The following HPS3 variants were observed in gnomAD, a reference collection of about 807,000 sequenced individuals.
HPS3 encodes HPS3 biogenesis of lysosomal organelles complex 2 subunit 1, also known as BLOC-2 complex member HPS3.
HPS3 carries 79 observed loss-of-function variants against 110.9 expected under a neutral mutation model. That is an observed-to-expected ratio of 0.71 (90% CI 0.59 to 0.86). HPS3 has a LOEUF of 0.86. Ranked by LOEUF, HPS3 falls within the 40% of genes least tolerant of loss-of-function variation. HPS3 has a pLI of 0.00. For synonymous variants in HPS3, 428 were observed against 451.0 expected (o/e 0.95, Z 0.65); for missense variants, 1,197 against 1,206.2 (o/e 0.99, Z 0.11).
At chr3:149,148,314 C>G (rs1303404983) in intron 5 of HPS3, among the ~76,000 whole-genome samples, 1 of 151,158 alleles carries the variant, frequency 6.6e-6, no homozygotes, top group Non-Finnish European at 1.5e-5. Flanking sequence ...AAAATAAAAT[C>G]ATGTAAAATG....
chr3:149,132,976 G>A (rs764776059), intron 1 of HPS3, among the ~76,000 whole-genome samples: 2 of 152,164 alleles, frequency 1.3e-5, no homozygotes, highest in Non-Finnish European at 2.9e-5. Flanking sequence ...AAGATGTGTT[G>A]GAATTCCTGC....
At chr3:149,159,625 A>G (rs1723666847) in intron 10 of HPS3, among the ~76,000 whole-genome samples, 1 of 152,230 alleles carries the variant, frequency 6.6e-6, no homozygotes, top group Non-Finnish European at 1.5e-5. Context: ...CAAATATGCC[A>G]CATTAGAAAT....
chr3:149,132,363 A>G (rs556097129), intron 1 of HPS3, among the ~76,000 whole-genome samples: 59 of 152,320 alleles, frequency 3.9e-4, no homozygotes, highest in Non-Finnish European at 7.2e-4. Context: ...CTCATTTACC[A>G]TTCTGAAAAT....
intron 2 of HPS3, 69 bp from the exon 3 acceptor site, chr3:149,140,948 A>G: frequency 5.2e-6 from 7 of 1,350,738 alleles, no homozygotes; most frequent in South Asian, 1.2e-5. Context: ...CTATATGTCT[A>G]ATTGGTGAGA....
rs759560948 is a variant in HPS3, at chr3:149,141,006, A to AT, written c.713-4dup. 2 of 1,612,288 alleles carry AT rather than the reference A, an allele frequency of 1.2e-6. No homozygotes were observed. The highest frequency in any genetic ancestry group is 1.7e-6 in the Non-Finnish European group (2 of 1,178,468). On this transcript the variant is annotated splice_polypyrimidine_tract_variant and intron_variant, in intron 2 of 16. Coordinates refer to ENST00000296051, the MANE Select transcript of HPS3 (RefSeq NM_032383.5). Reference sequence around the variant, plus strand: ...CATTCAAGCAGGACTGTTACATTTTATTTTTTTAAGGCATCAGTAATGAAA... The same window carrying AT: ...CATTCAAGCAGGACTGTTACATTTTATTTTTTTTAAGGCATCAGTAATGAAA...
At chr3:149,133,693 C>A (rs1559904778) in intron 1 of HPS3, among the ~76,000 whole-genome samples, 1 of 152,184 alleles carries the variant, frequency 6.6e-6, no homozygotes, top group Non-Finnish European at 1.5e-5. Context: ...CGGGGCAAGA[C>A]CCTTCACCAG....
intron 13 of HPS3, 94 bp downstream of exon 13, chr3:149,162,972 T>A: frequency 9.4e-7 from 1 of 1,062,496 alleles, no homozygotes; most frequent in Non-Finnish European, 1.4e-6. Context: ...AAATCTAACC[T>A]AGTTTTCTAT....
chr3:149,171,188 G>C (rs1026406721), intron 16 of HPS3, among the ~76,000 whole-genome samples: 3 of 152,064 alleles, frequency 2.0e-5, no homozygotes, highest in African/African-American at 7.2e-5. Context: ...TGAGGCAGGA[G>C]AATCTCTTGG....
chr3:149,162,791 C>G lies in HPS3; in HGVS notation c.2394C>G (p.Leu798=). The change falls in exon 13 of 17, where the codon CTC becomes CTG. Residue 798 remains leucine (L), a synonymous_variant. Transcript: ENST00000296051. The stretch of plus-strand genomic sequence containing the variant: ...TCCCAGATGTGGTACTTCAGGAACT[C>G]TTTTTCAAACTCACATCACAGTACA... ...ACLPDVVLQE[L]FFKLTSQYIW... 1 of 1,613,998 alleles carries G rather than the reference C, an allele frequency of 6.2e-7. No individual in the cohort carries two copies. The highest frequency in any genetic ancestry group is 1.1e-5 in the South Asian group (1 of 91,080).
At chr3:149,133,463 G>A (rs1007770162) in intron 1 of HPS3, among the ~76,000 whole-genome samples, 4 of 151,812 alleles carry the variant, frequency 2.6e-5, no homozygotes, top group African/African-American at 7.3e-5. Context: ...CACTTGTGGC[G>A]AATTTTGTAT....
intron 5 of HPS3, 112 bp downstream of exon 5, chr3:149,145,658 T>A (rs966089946): frequency 8.3e-6 from 7 of 838,582 alleles, no homozygotes; most frequent in Admixed American, 1.7e-5. Context: ...TATAAATGCA[T>A]GAGTTACATG....
At chr3:149,169,542 G>T (rs771038012) in intron 16 of HPS3, among the ~76,000 whole-genome samples, 2 of 152,174 alleles carry the variant, frequency 1.3e-5, no homozygotes, top group Admixed American at 1.3e-4. Flanking sequence ...GTCCGTGTGC[G>T]TGGGGGTTTC....
intron 1 of HPS3, 123 bp downstream of exon 1, chr3:149,130,063 G>A (rs986920853): frequency 7.3e-6 from 7 of 962,476 alleles, no homozygotes; most frequent in Non-Finnish European, 9.4e-6. Flanking sequence ...GGAATTTGCC[G>A]GATGGTCTCC....
intron 6 of HPS3, among the ~76,000 whole-genome samples, chr3:149,151,219 A>G (rs1041278448): frequency 2.7e-5 from 4 of 148,562 alleles, no homozygotes; most frequent in African/African-American, 7.4e-5. Flanking sequence ...TTTTCTGCAG[A>G]GACAGGTTTT....
At chr3:149,133,882 G>A (rs562443108) in intron 1 of HPS3, among the ~76,000 whole-genome samples, 1 of 151,636 alleles carries the variant, frequency 6.6e-6, no homozygotes, top group Non-Finnish European at 1.5e-5. Context: ...TTTATGCACT[G>A]GGAAACCAAA....
chr3:149,173,455 G>A lies in HPS3; in HGVS notation c.*1233G>A, dbSNP rs192321084. The stretch of plus-strand genomic sequence containing the variant: ...TGCAGTTTTATAAAACCCTAACAGC[G>A]GTGATATCATTAGACTGTATGAATC... On this transcript the variant is annotated 3_prime_UTR_variant, in exon 17 of 17. Coordinates refer to ENST00000296051, the MANE Select transcript of HPS3 (RefSeq NM_032383.5). 647 of 284,484 alleles carry A rather than the reference G, an allele frequency of 2.3e-3. 4 individuals are homozygous for A. The highest frequency in any genetic ancestry group is 0.013 in the African/African-American group (573 of 45,266). 17.6% of individuals were successfully genotyped at this position (284,484 alleles called of 1,614,324 possible). A position where few individuals can be genotyped will look rare whatever the true frequency, so the allele number is the denominator to read the frequency against.
Position 149,173,501 on chromosome 3 carries a change from A to G in HPS3, c.*1279A>G. On this transcript the variant is annotated 3_prime_UTR_variant, in exon 17 of 17. Transcript: ENST00000296051. ...GAATCAGTTTTATTACCTAGTGTACAAGTGTCAGTCATGTATCATTATATA... is the reference window on the plus strand; with the variant it reads ...GAATCAGTTTTATTACCTAGTGTACGAGTGTCAGTCATGTATCATTATATA... 2.3e-6 allele frequency: 1 copy of G among 426,670 alleles called. No individual in the cohort carries two copies. The highest frequency in any genetic ancestry group is 3.3e-5 in the South Asian group (1 of 30,398). The allele number at this position is 426,670 out of a possible 1,614,324, so 26.4% of individuals were successfully genotyped here.
At chr3:149,157,623 A>G in intron 9 of HPS3, 92 bp downstream of exon 9, 2 of 1,147,548 alleles carry the variant, frequency 1.7e-6, no homozygotes, top group Non-Finnish European at 1.3e-6. Context: ...TTACCTGATA[A>G]ATGGGAAGGT....
At chr3:149,135,206 A>G (rs1201602389) in intron 1 of HPS3, among the ~76,000 whole-genome samples, 1 of 152,210 alleles carries the variant, frequency 6.6e-6, no homozygotes, top group African/African-American at 2.4e-5. Flanking sequence ...ATTTGGGGGT[A>G]TTAGGGAGAA....
Sources: allele counts gnomAD v4.1 joint callset (sites outside exome capture counted in the v4.1 genomes callset), GRCh38; gene constraint gnomAD v4.1.1; transcripts MANE v1.5; gene names NCBI Gene and HGNC (gene_info 2026-07-23, HGNC 2026-07-21).